GRM7: variants seen among roughly 807,000 people sequenced by gnomAD.
GRM7 encodes the protein glutamate metabotropic receptor 7.
In GRM7, 35 loss-of-function variants were observed where a neutral mutation model predicts 84.5. That is an observed-to-expected ratio of 0.41 (90% confidence interval 0.32 to 0.55). The LOEUF is 0.55. Ranked by LOEUF, GRM7 falls within the 20% of genes least tolerant of loss-of-function variation. The probability of loss-of-function intolerance (pLI) is 0.19; values close to 1 mark genes in which losing one functional copy is unlikely to be tolerated. For missense variants in GRM7, 1,003 were observed against 1,194.6 expected (o/e 0.84, Z 2.36); for synonymous variants, 487 against 455.1 (o/e 1.07, Z -0.89).
At chr3:7,540,414 A>G (rs182666501) in intron 7 of GRM7, among the ~76,000 whole-genome samples, 8 of 152,358 alleles carry the variant, frequency 5.3e-5, no homozygotes, top group African/African-American at 1.9e-4. Context: ...GAATGATCCA[A>G]TAATGCATGC....
At chr3:7,124,134 T>G (rs1693316992) in intron 1 of GRM7, among the ~76,000 whole-genome samples, 1 of 152,206 alleles carries the variant, frequency 6.6e-6, no homozygotes, top group South Asian at 2.1e-4. Flanking sequence ...TTTATTTTTA[T>G]GTTTGTTTTT....
intron 4 of GRM7, among the ~76,000 whole-genome samples, chr3:7,408,516 C>T (rs147890039): frequency 6.6e-6 from 1 of 152,336 alleles, no homozygotes; most frequent in East Asian, 1.9e-4. Context: ...AGAGCCTAGA[C>T]TCCTCTCATT....
chr3:7,171,448 G>T (rs1243370699), intron 2 of GRM7, among the ~76,000 whole-genome samples: 4 of 152,118 alleles, frequency 2.6e-5, no homozygotes, highest in Non-Finnish European at 4.4e-5. Flanking sequence ...AGACTTCAAT[G>T]TGTCTTTATT....
chr3:7,184,567 C>T (rs980132030), intron 2 of GRM7, among the ~76,000 whole-genome samples: 5 of 151,128 alleles, frequency 3.3e-5, no homozygotes, highest in Non-Finnish European at 7.4e-5. Flanking sequence ...CAACTTGTAT[C>T]CTTTCCTCTA....
chr3:7,451,971 G>A (rs1372946496), intron 5 of GRM7, among the ~76,000 whole-genome samples: 1 of 152,188 alleles, frequency 6.6e-6, no homozygotes, highest in East Asian at 1.9e-4. Flanking sequence ...AGGAGACATT[G>A]AGCATTGCAC....
chr3:7,200,951 G>A (rs888623200), intron 2 of GRM7, among the ~76,000 whole-genome samples: 2 of 147,334 alleles, frequency 1.4e-5, no homozygotes, highest in African/African-American at 5.1e-5. Context: ...TGTCTTGGGG[G>A]AAACATTTCA....
chr3:7,323,503 G>A (rs1700865760), intron 4 of GRM7, among the ~76,000 whole-genome samples: 1 of 152,160 alleles, frequency 6.6e-6, no homozygotes, highest in African/African-American at 2.4e-5. Context: ...CGTTCAACAT[G>A]TCTGATTAAT....
chr3:7,319,088 A>G (rs186130069), intron 4 of GRM7, among the ~76,000 whole-genome samples: 1 of 152,198 alleles, frequency 6.6e-6, no homozygotes, highest in Non-Finnish European at 1.5e-5. Context: ...CTAGCAAAAA[A>G]GATATAAGAT....
At chr3:7,600,466 C>A (rs1415225497) in intron 8 of GRM7, among the ~76,000 whole-genome samples, 1 of 152,030 alleles carries the variant, frequency 6.6e-6, no homozygotes, top group Non-Finnish European at 1.5e-5. Flanking sequence ...TCTTGGTAAG[C>A]AACACAAATG....
intron 2 of GRM7, among the ~76,000 whole-genome samples, chr3:7,263,285 T>C (rs75987212): frequency 0.012 from 1,795 of 152,268 alleles, 31 homozygotes; most frequent in African/African-American, 0.041. Context: ...AAGGTTGGTA[T>C]AACCTGCTGC....
At chr3:7,728,070 C>G (rs527899974) in intron 9 of GRM7, among the ~76,000 whole-genome samples, 41 of 152,264 alleles carry the variant, frequency 2.7e-4, no homozygotes, top group Non-Finnish European at 5.3e-4. Context: ...GATCCGCAGT[C>G]AAAACAAGAA....
chr3:7,454,081 T>C (rs1368371817), intron 6 of GRM7, among the ~76,000 whole-genome samples: 3 of 142,590 alleles, frequency 2.1e-5, no homozygotes, highest in Admixed American at 1.4e-4. Context: ...CATGAAAAGC[T>C]ACACACACAC....
rs140125343 is a variant in GRM7, at chr3:7,085,752, G to A, written c.520-60700G>A. Among the ~76,000 whole-genome samples, 720 of 151,920 alleles carry A rather than the reference G, an allele frequency of 4.7e-3. 7 individuals are homozygous for A. Among genetic ancestry groups the A allele is most frequent in the African/African-American group, 0.017 (683 of 41,260 alleles). ...CTTTTAAGCCTTTTGCTGGTGAAATGTGTAGCTAGAAAAATATGCACACCC... is the reference window on the plus strand; with the variant it reads ...CTTTTAAGCCTTTTGCTGGTGAAATATGTAGCTAGAAAAATATGCACACCC... On this transcript the variant is annotated intron_variant, in intron 1 of 9. Coordinates refer to ENST00000357716, the MANE Select transcript of GRM7 (RefSeq NM_000844.4).
At chr3:7,480,002 T>G (rs1699068581) in intron 7 of GRM7, among the ~76,000 whole-genome samples, 1 of 152,226 alleles carries the variant, frequency 6.6e-6, no homozygotes, top group African/African-American at 2.4e-5. Flanking sequence ...TCATTTTTAG[T>G]GCACAATGGA....
At chr3:7,643,337 AAAC>A (rs957844098) in intron 8 of GRM7, among the ~76,000 whole-genome samples, 1 of 151,662 alleles carries the variant, frequency 6.6e-6, no homozygotes, top group African/African-American at 2.4e-5. Flanking sequence ...CAAACAAAAA[AAAC>A]AAAACAGGGC....
At chr3:6,942,375 C>T (rs1697924219) in intron 1 of GRM7, among the ~76,000 whole-genome samples, 1 of 151,978 alleles carries the variant, frequency 6.6e-6, no homozygotes, top group Admixed American at 6.6e-5. Flanking sequence ...ATCTGTAAAA[C>T]CCATCACCAC....
chr3:7,682,645 C>T (rs113731299), intron 9 of GRM7, among the ~76,000 whole-genome samples: 18 of 151,606 alleles, frequency 1.2e-4, no homozygotes, highest in African/African-American at 2.9e-4. Context: ...GGGAAAAAGA[C>T]GAAATTAGAA....
At chr3:7,278,074 C>A (rs1699134923) in intron 2 of GRM7, among the ~76,000 whole-genome samples, 1 of 151,934 alleles carries the variant, frequency 6.6e-6, no homozygotes, top group Non-Finnish European at 1.5e-5. Context: ...TCTACAGTAG[C>A]ATTTCTTCTA....
intron 3 of GRM7, among the ~76,000 whole-genome samples, chr3:7,304,289 CCATCAT>C (rs1700110294): frequency 9.4e-6 from 1 of 106,048 alleles, no homozygotes; most frequent in Non-Finnish European, 2.3e-5. Context: ...AGCCATTGCT[CCATCAT>C]CCATCATCCA....
Sources: gnomAD v4.1 joint callset for allele counts (sites outside exome capture counted in the v4.1 genomes callset) on GRCh38, gnomAD v4.1.1 for gene constraint, MANE v1.5 for transcripts, NCBI Gene and HGNC (gene_info 2026-07-23, HGNC 2026-07-21) for gene names.